The following PPP1R3A variants were observed in gnomAD, a reference collection of about 807,000 sequenced individuals.
PPP1R3A encodes the protein protein phosphatase 1 regulatory subunit 3A.
A neutral mutation model predicts 41.7 loss-of-function variants in PPP1R3A; 29 were observed. The ratio of observed to expected loss-of-function variants is 0.70; its 90% CI spans 0.52 to 0.95. The LOEUF (loss-of-function observed/expected upper bound fraction) is 0.95. PPP1R3A is among the 40% of genes least tolerant of loss of function. The probability of loss-of-function intolerance (pLI) is 0.00; values close to 1 mark genes in which losing one functional copy is unlikely to be tolerated. For synonymous variants in PPP1R3A, 485 were observed against 453.4 expected (o/e 1.07, Z -0.89); for missense variants, 1,352 against 1,292.4 (o/e 1.05, Z -0.71).
At chr7:113,892,222 T>C (rs1009772460) in intron 1 of PPP1R3A, among the ~76,000 whole-genome samples, 6 of 152,034 alleles carry the variant, frequency 3.9e-5, no homozygotes, top group African/African-American at 1.4e-4. Context: ...GAAAGGAAAA[T>C]AAATGACCTT....
Position 113,877,913 on chromosome 7 carries a change from T to C in PPP1R3A, c.3179A>G (p.Gln1060Arg). The C allele has an allele frequency of 1.2e-6, 2 of 1,613,316 alleles. No individual in the cohort carries two copies. ...AAACAAAGATTCGTTGCCTTGAGCT[T>C]GACTTTCCTCAACAGGAAGACTAGT... ...ASTSLPVEES[Q>R]AQGNESLFSK... Residue 1060 changes from glutamine to arginine, a missense_variant, in exon 4 of 4, where the codon CAA (glutamine) becomes CGA (arginine). By Grantham distance (43) the Gln-to-Arg change is conservative. Coordinates refer to ENST00000284601, the MANE Select transcript of PPP1R3A (RefSeq NM_002711.4).
rs557997111 is a variant in PPP1R3A, at chr7:113,903,679, T to C, written c.782+14536A>G. 5.9e-5 allele frequency among the ~76,000 whole-genome samples: 9 copies of C among 151,864 alleles called. 1 individual carries two copies. Among genetic ancestry groups the C allele is most frequent in the Admixed American group, 5.9e-4 (9 of 15,212 alleles). ...AATCTTACATTTTTTTCCATTCTAA[T>C]GTGCCCTCCAAACTCTTTCTGGATT... On this transcript the variant is annotated intron_variant, in intron 1 of 3. Transcript: ENST00000284601.
intron 1 of PPP1R3A, among the ~76,000 whole-genome samples, chr7:113,900,064 C>CT (rs11311268): frequency 0.36 from 53,793 of 149,932 alleles, 12,419 homozygotes; most frequent in Non-Finnish European, 0.53. Context: ...TTTAAATTTA[C>CT]TTTTTTTTTT....
At chr7:113,899,480 T>C (rs186758453) in intron 1 of PPP1R3A, among the ~76,000 whole-genome samples, 26 of 151,978 alleles carry the variant, frequency 1.7e-4, no homozygotes, top group South Asian at 1.2e-3. Flanking sequence ...AATATTGTTA[T>C]TAATGCTTAA....
chr7:113,888,007 G>A (rs1004396171), intron 1 of PPP1R3A, among the ~76,000 whole-genome samples: 10 of 151,970 alleles, frequency 6.6e-5, no homozygotes, highest in East Asian at 1.9e-4. Flanking sequence ...CAGTCTGGGC[G>A]GCGGAGCAAG....
At chr7:113,903,847 T>C (rs1018365974) in intron 1 of PPP1R3A, among the ~76,000 whole-genome samples, 1 of 151,722 alleles carries the variant, frequency 6.6e-6, no homozygotes, top group Admixed American at 6.6e-5. Flanking sequence ...GTGTGATTAA[T>C]AACATCTTCA....
intron 1 of PPP1R3A, among the ~76,000 whole-genome samples, chr7:113,910,561 A>T (rs1797227960): frequency 6.6e-6 from 1 of 152,180 alleles, no homozygotes; most frequent in South Asian, 2.1e-4. Context: ...TACTTACAAG[A>T]TTTAAGTTGT....
chr7:113,900,627 G>A (rs1052668178), intron 1 of PPP1R3A, among the ~76,000 whole-genome samples: 2 of 147,852 alleles, frequency 1.4e-5, no homozygotes, highest in Non-Finnish European at 3.0e-5. Flanking sequence ...ATATATTATT[G>A]TATATATGAC....
In PPP1R3A at chr7:113,882,253, G is replaced by T; in HGVS notation, c.841+9C>A. On this transcript the variant is annotated intron_variant, in intron 2 of 3. Coordinates refer to ENST00000284601, the MANE Select transcript of PPP1R3A (RefSeq NM_002711.4). ...CAAATTTGGTTTTAAAATTAATGAA[G>T]AATATTACCTGTATTCTTTGGATTC... 1.3e-6 allele frequency: 2 copies of T among 1,523,598 alleles called. No homozygotes were observed. The highest frequency in any genetic ancestry group is 9.1e-7 in the Non-Finnish European group (1 of 1,099,400). 94.4% of individuals were successfully genotyped at this position (1,523,598 alleles called of 1,614,324 possible).
chr7:113,914,718 T>A (rs1797310948), intron 1 of PPP1R3A, among the ~76,000 whole-genome samples: 1 of 152,098 alleles, frequency 6.6e-6, no homozygotes, highest in Non-Finnish European at 1.5e-5. Context: ...GTGCTAAAAG[T>A]TTATATGTAT....
At chr7:113,882,390 G>T (rs563835464) in intron 1 of PPP1R3A, 70 bp from the exon 2 acceptor site, 8 of 934,894 alleles carry the variant, frequency 8.6e-6, no homozygotes, top group Non-Finnish European at 1.4e-5. Context: ...TTACACAGGG[G>T]GAAATTCAAT....
chr7:113,880,246 A>C (rs1308867067), intron 3 of PPP1R3A, 121 bp from the exon 4 acceptor site: 1 of 944,970 alleles, frequency 1.1e-6, no homozygotes, highest in Admixed American at 2.7e-5. Flanking sequence ...GACTGATTTC[A>C]TTTGTGGATT....
chr7:113,891,084 C>CAAAAAAAAAAAAAAAA (rs11342726), intron 1 of PPP1R3A, among the ~76,000 whole-genome samples: 2 of 79,786 alleles, frequency 2.5e-5, no homozygotes, highest in African/African-American at 1.0e-4. Flanking sequence ...GGAAAAAAAG[C>CAAAAAAAAAAAAAAAA]AAAAAAAAAA....
chr7:113,881,104 T>C (rs561922524), intron 3 of PPP1R3A, among the ~76,000 whole-genome samples: 14 of 152,182 alleles, frequency 9.2e-5, no homozygotes, highest in Non-Finnish European at 1.8e-4. Context: ...CCATGTTAAC[T>C]TTCAGCTGGT....
chr7:113,915,990 A>T (rs141190045), intron 1 of PPP1R3A, among the ~76,000 whole-genome samples: 1 of 152,054 alleles, frequency 6.6e-6, no homozygotes, highest in South Asian at 2.1e-4. Context: ...TAAATATTCT[A>T]TTATGGCACA....
chr7:113,879,769 ATTATCAT>A lies in PPP1R3A; in HGVS notation c.1316_1322del (p.Asp439ValfsTer21), dbSNP rs1796655033. On this transcript the variant is annotated frameshift_variant, in exon 4 of 4. Coordinates refer to ENST00000284601, the MANE Select transcript of PPP1R3A (RefSeq NM_002711.4). LOFTEE classifies it low-confidence loss of function (END_TRUNC). ...TGCCATTGCCATGGGCTGGATTAGC[ATTATCAT>A]CCAGGACTTCTTTGCTGCCAGTATG... The A allele has an allele frequency of 6.8e-6, 11 of 1,613,420 alleles. No homozygotes were observed. Among genetic ancestry groups the A allele is most frequent in the Non-Finnish European group, 8.5e-6 (10 of 1,179,688 alleles).
chr7:113,898,341 T>C (rs767643211), intron 1 of PPP1R3A, among the ~76,000 whole-genome samples: 1 of 151,654 alleles, frequency 6.6e-6, no homozygotes, highest in Admixed American at 6.6e-5. Flanking sequence ...AGAACAGAGG[T>C]GGCCAGGGAA....
rs1211146471 is a variant in PPP1R3A, at chr7:113,882,089, C to A, written c.916G>T (p.Asp306Tyr). Residue 306 changes from aspartate to tyrosine, a missense_variant, in exon 3 of 4, where the codon GAT (aspartate) becomes TAT (tyrosine). Asp to Tyr is a radical substitution (Grantham distance 160). Transcript: ENST00000284601. ...DLEASNRNVKDVNREHDEHNE... is the reference protein window; with the variant it reads ...DLEASNRNVKYVNREHDEHNE... ...TGTTCATCATGTTCCCTGTTTACAT[C>A]TTTTACATTTCGATTACTGGCTTCC... 3 of 1,612,452 alleles carry A rather than the reference C, an allele frequency of 1.9e-6. No homozygotes were observed. The East Asian group carries it at 6.7e-5, about 36-fold the overall frequency.
chr7:113,893,785 G>T (rs966503988), intron 1 of PPP1R3A, among the ~76,000 whole-genome samples: 2 of 151,998 alleles, frequency 1.3e-5, no homozygotes, highest in Non-Finnish European at 2.9e-5. Context: ...ATCTAAGTTA[G>T]AACATTGCCC....
Sources: allele counts gnomAD v4.1 joint callset (sites outside exome capture counted in the v4.1 genomes callset), GRCh38; gene constraint gnomAD v4.1.1; transcripts MANE v1.5; gene names NCBI Gene and HGNC (gene_info 2026-07-23, HGNC 2026-07-21).